The following TRANK1 variants were observed in gnomAD, a reference collection of about 807,000 sequenced individuals.
TRANK1 encodes TPR and ankyrin repeat-containing protein 1.
In TRANK1, 198 loss-of-function variants were observed where a neutral mutation model predicts 266.0. The ratio of observed to expected loss-of-function variants is 0.74; its 90% confidence interval spans 0.66 to 0.84. TRANK1 has a LOEUF of 0.84. Ranked by LOEUF, TRANK1 falls within the 40% of genes least tolerant of loss-of-function variation. The probability of loss-of-function intolerance (pLI) is 0.00; values close to 1 mark genes in which losing one functional copy is unlikely to be tolerated. For synonymous variants in TRANK1, 1,396 were observed against 1,384.1 expected, an observed-to-expected ratio of 1.01 and a Z score of -0.19; for missense variants, 3,326 against 3,634.6, an observed-to-expected ratio of 0.92 and a Z score of 2.18.
chr3:36,838,725 G>A lies in TRANK1; in HGVS notation c.5281-9C>T. Reference sequence around the variant, plus strand: ...TAACACTTGGCTGCAACCTGGAATAGGCAAAAAGTTTTATTCCCAGCAAGG... The same window carrying A: ...TAACACTTGGCTGCAACCTGGAATAAGCAAAAAGTTTTATTCCCAGCAAGG... On this transcript the variant is annotated splice_polypyrimidine_tract_variant and intron_variant, in intron 18 of 23. Coordinates refer to ENST00000645898, the MANE Select transcript of TRANK1 (RefSeq NM_001329998.2). The A allele has an allele frequency of 6.2e-7, 1 of 1,611,098 alleles. No individual in the cohort carries two copies. Among genetic ancestry groups the A allele is most frequent in the Middle Eastern group, 1.7e-4 (1 of 6,058 alleles).
intron 1 of TRANK1, among the ~76,000 whole-genome samples, chr3:36,922,690 C>T (rs549652341): frequency 4.2e-4 from 63 of 151,736 alleles, no homozygotes; most frequent in Non-Finnish European, 5.9e-4. Context: ...GCAGGAGAAT[C>T]GCTTAAACCC....
intron 2 of TRANK1, among the ~76,000 whole-genome samples, chr3:36,905,971 AG>A (rs2079961910): frequency 6.6e-6 from 1 of 152,208 alleles, no homozygotes; most frequent in Non-Finnish European, 1.5e-5. Context: ...AGGCAACATG[AG>A]GGTCCAGGCA....
intron 1 of TRANK1, among the ~76,000 whole-genome samples, chr3:36,909,970 G>T (rs541398537): frequency 5.9e-5 from 9 of 152,168 alleles, no homozygotes; most frequent in Non-Finnish European, 1.0e-4. Context: ...AATATTGTCG[G>T]CCATTTGTCC....
intron 3 of TRANK1, among the ~76,000 whole-genome samples, chr3:36,901,008 T>C (rs1034761878): frequency 6.6e-6 from 1 of 151,460 alleles, no homozygotes; most frequent in Non-Finnish European, 1.5e-5. Flanking sequence ...CAGATAACAA[T>C]CAAAGAGAGG....
At chr3:36,938,327 T>G (rs956583435) in intron 1 of TRANK1, among the ~76,000 whole-genome samples, 3 of 152,158 alleles carry the variant, frequency 2.0e-5, no homozygotes, top group Non-Finnish European at 2.9e-5. Context: ...CAAGCAATTC[T>G]CCAGCCTCAG....
chr3:36,850,283 T>G lies in TRANK1; in HGVS notation c.4887+1436A>C, dbSNP rs185890678. On this transcript the variant is annotated intron_variant, in intron 15 of 23. Coordinates refer to ENST00000645898, the MANE Select transcript of TRANK1 (RefSeq NM_001329998.2). The stretch of plus-strand genomic sequence containing the variant: ...GTGCATCTGATTTTATTAGCAAAAT[T>G]TAACAGGAAAGGAATGTACATAAGG... 2.8e-4 allele frequency: 273 copies of G among 985,392 alleles called. 4 individuals carry two copies. In the Admixed American group the frequency reaches 0.014, roughly 49 times the overall value. The allele number at this position is 985,392 out of a possible 1,614,324, so 61.0% of individuals were successfully genotyped here. A position where few individuals can be genotyped will look rare whatever the true frequency, so the allele number is the denominator to read the frequency against.
At chr3:36,899,396 T>A in intron 3 of TRANK1, 137 bp from the exon 4 acceptor site, 1 of 954,294 alleles carries the variant, frequency 1.0e-6, no homozygotes, top group Non-Finnish European at 1.5e-6. Flanking sequence ...GGCTCATGCC[T>A]GTAATCCTAA....
chr3:36,861,109 A>G lies in TRANK1; in HGVS notation c.1292T>C (p.Val431Ala). The G allele has an allele frequency of 6.5e-7, 1 of 1,537,474 alleles. No individual in the cohort carries two copies. ...CDINQDCATT[V>A]FKFLLEKQRW... Reference sequence around the variant, plus strand: ...CTGTTTTTCCAATAAGAATTTGAAGACGGTGGTGGCACAGTCTTGATTAAT... The same window carrying G: ...CTGTTTTTCCAATAAGAATTTGAAGGCGGTGGTGGCACAGTCTTGATTAAT... The change falls in exon 11 of 24, where the codon GTC becomes GCC. Residue 431 changes from valine to alanine, a missense_variant. Transcript: ENST00000645898.
At chr3:36,847,680 C>T (rs896312602) in intron 15 of TRANK1, among the ~76,000 whole-genome samples, 11 of 152,142 alleles carry the variant, frequency 7.2e-5, no homozygotes, top group African/African-American at 1.9e-4. Flanking sequence ...GGAATCCCCA[C>T]CCCTTCTCAA....
chr3:36,862,840 CAT>C (rs1372117420), intron 10 of TRANK1, among the ~76,000 whole-genome samples: 2 of 152,180 alleles, frequency 1.3e-5, no homozygotes, highest in African/African-American at 4.8e-5. Context: ...GTCATAGTGA[CAT>C]TGGTGAGCTC....
chr3:36,857,708 C>G lies in TRANK1; in HGVS notation c.2014G>C (p.Ala672Pro). Residue 672 changes from alanine to proline, a missense_variant, in exon 13 of 24, where the codon GCC (alanine) becomes CCC (proline). Transcript: ENST00000645898. The surrounding 1 kb of genome is among the most constrained non-coding windows in gnomAD (Gnocchi z 4.3). ...TTGAGCTGAGATGTGTGACCAGGGGCAGTGGACTTTGAGAGCTTCCCCAGG... is the reference window on the plus strand; with the variant it reads ...TTGAGCTGAGATGTGTGACCAGGGGGAGTGGACTTTGAGAGCTTCCCCAGG... The part of the protein sequence containing the change: ...AHLGKLSKST[A>P]PGHTSQLKSQ... The G allele has an allele frequency of 6.2e-7, 1 of 1,614,010 alleles. No individual in the cohort carries two copies. The highest frequency in any genetic ancestry group is 8.5e-7 in the Non-Finnish European group (1 of 1,179,888).
intron 8 of TRANK1, 80 bp from the exon 9 acceptor site, chr3:36,874,376 T>A: frequency 1.4e-6 from 2 of 1,457,226 alleles, no homozygotes; most frequent in Non-Finnish European, 1.8e-6. Flanking sequence ...TTCTTCTCAG[T>A]CTCCTCCCAA....
chr3:36,922,170 T>C (rs1294172609), intron 1 of TRANK1, among the ~76,000 whole-genome samples: 1 of 151,034 alleles, frequency 6.6e-6, no homozygotes, highest in Admixed American at 6.6e-5. Flanking sequence ...TAATAATAAA[T>C]AAAAAATGAA....
rs377315019 is a variant in TRANK1 at position 36,831,439 on chromosome 3, C to T, written c.8144G>A (p.Arg2715Gln). 4.0e-5 allele frequency: 64 copies of T among 1,612,962 alleles called. No individual in the cohort carries two copies. Among genetic ancestry groups the T allele is most frequent in the Non-Finnish European group, 5.3e-5 (62 of 1,179,556 alleles). The change falls in exon 22 of 24, where the codon CGG becomes CAG. Residue 2715 changes from arginine (R) to glutamine (Q), a missense_variant. By Grantham distance (43) the Arg-to-Gln change is conservative (BLOSUM62 1). Coordinates refer to ENST00000645898, the MANE Select transcript of TRANK1 (RefSeq NM_001329998.2). The surrounding 1 kb of genome is among the most constrained non-coding windows in gnomAD (Gnocchi z 5.0). The part of the protein sequence containing the change: ...VLATILSQKQ[R>Q]KASIQRKLRR... The stretch of plus-strand genomic sequence containing the variant: ...CAACTTCCGCTGTATGGAGGCCTTC[C>T]GTTGCTTTTGGGAAAGAATGGTGGC...
chr3:36,857,780 C>T lies in TRANK1; in HGVS notation c.1942G>A (p.Ala648Thr). 1 of 1,614,044 alleles carries T rather than the reference C, an allele frequency of 6.2e-7. No individual in the cohort carries two copies. Among genetic ancestry groups the T allele is most frequent in the Non-Finnish European group, 8.5e-7 (1 of 1,179,900 alleles). ...NDSLLLAWNK[A>T]LMENRRRSRQ... The stretch of plus-strand genomic sequence containing the variant: ...CTCCTCCTCCTGTTCTCCATCAGAG[C>T]TTTGTTCCAGGCCAAGAGCAGAGAG... Residue 648 changes from alanine (A) to threonine (T), a missense_variant, in exon 13 of 24, where the codon GCT (alanine) becomes ACT (threonine). By Grantham distance (58) the Ala-to-Thr change is moderately conservative. Coordinates refer to ENST00000645898, the MANE Select transcript of TRANK1 (RefSeq NM_001329998.2). The surrounding 1 kb of genome is among the most constrained non-coding windows in gnomAD (Gnocchi z 4.3).
intron 1 of TRANK1, among the ~76,000 whole-genome samples, chr3:36,930,297 T>C (rs541325296): frequency 4.1e-4 from 63 of 152,118 alleles, no homozygotes; most frequent in Non-Finnish European, 7.8e-4. Flanking sequence ...CAGCTGACGG[T>C]AAGAAAATGG....
chr3:36,918,556 A>AAGGT (rs1559473434), intron 1 of TRANK1, among the ~76,000 whole-genome samples: 24 of 42,112 alleles, frequency 5.7e-4, no homozygotes, highest in East Asian at 1.2e-3. Context: ...GGAAGGAAGG[A>AAGGT]AGGAAGGTAG....
chr3:36,942,786 T>C (rs551332173), intron 1 of TRANK1, among the ~76,000 whole-genome samples: 2 of 151,464 alleles, frequency 1.3e-5, no homozygotes, highest in Non-Finnish European at 2.9e-5. Flanking sequence ...CCTCATACTC[T>C]GGGAGAGCGG....
intron 15 of TRANK1, among the ~76,000 whole-genome samples, chr3:36,848,545 A>C (rs990089806): frequency 1.3e-5 from 2 of 152,226 alleles, no homozygotes; most frequent in African/African-American, 4.8e-5. Flanking sequence ...AAGCATGCTG[A>C]AAAGGTGAAG....
Sources: gnomAD v4.1 joint callset for allele counts (sites outside exome capture counted in the v4.1 genomes callset) on GRCh38, gnomAD v4.1.1 for gene constraint, Gnocchi (gnomAD v3.1) non-coding constraint, MANE v1.5 for transcripts, NCBI Gene and HGNC (gene_info 2026-07-23, HGNC 2026-07-21) for gene names.